The following EPHB1 variants were observed in gnomAD, a reference collection of about 807,000 sequenced individuals.
EPHB1 encodes ephrin type-B receptor 1.
In EPHB1, 30 loss-of-function variants were observed where a neutral mutation model predicts 94.4. The observed-to-expected ratio is 0.32, with a 90% CI of 0.24 to 0.43. The LOEUF (loss-of-function observed/expected upper bound fraction) is 0.43. Among genes scored for constraint, EPHB1 ranks in the 20% least tolerant of loss-of-function variants. The pLI is 1.00. For missense variants in EPHB1, 1,055 were observed against 1,308.3 expected (o/e 0.81, Z 2.99); for synonymous variants, 522 against 489.1 (o/e 1.07, Z -0.89).
intron 3 of EPHB1, among the ~76,000 whole-genome samples, chr3:135,044,228 G>T (rs141911587): frequency 6.6e-6 from 1 of 152,276 alleles, no homozygotes; most frequent in African/African-American, 2.4e-5. Context: ...TGGGGAGTCT[G>T]GTGGCTGCAT....
rs1375534575 is a variant in EPHB1 at position 135,147,231 on chromosome 3, T to C, written c.1298-6921T>C. Among the ~76,000 whole-genome samples the C allele has an allele frequency of 4.6e-5, 7 of 152,168 alleles. No homozygotes were observed. The East Asian group carries it at 1.3e-3, about 29-fold the overall frequency. The stretch of plus-strand genomic sequence containing the variant: ...CCGTTTTCTTCACAGCTATGGTCTG[T>C]GCTATAGATCACAGGTAGTTAGTCC... On this transcript the variant is annotated intron_variant, in intron 5 of 15. Transcript: ENST00000398015.
chr3:135,203,677 C>T (rs148135852), intron 12 of EPHB1, among the ~76,000 whole-genome samples: 42 of 152,300 alleles, frequency 2.8e-4, no homozygotes, highest in Admixed American at 8.5e-4. Flanking sequence ...CCTGCCCTGA[C>T]GCATTAATTT....
intron 12 of EPHB1, among the ~76,000 whole-genome samples, chr3:135,233,409 G>A (rs371511325): frequency 6.6e-6 from 1 of 152,192 alleles, no homozygotes; most frequent in Non-Finnish European, 1.5e-5. Context: ...TCACATCCAG[G>A]TCATGCTGAT....
intron 3 of EPHB1, among the ~76,000 whole-genome samples, chr3:135,082,105 G>T (rs979406732): frequency 9.2e-5 from 14 of 152,118 alleles, no homozygotes; most frequent in Non-Finnish European, 1.9e-4. Flanking sequence ...CTTGTCCCCA[G>T]AGGACCCTAA....
At position 134,812,424 on chromosome 3, in the gene EPHB1, T is replaced by C. The variant is rs146503736; in HGVS notation, c.58+16735T>C. On this transcript the variant is annotated intron_variant, in intron 1 of 15. Coordinates refer to ENST00000398015, the MANE Select transcript of EPHB1 (RefSeq NM_004441.5). Reference sequence around the variant, plus strand: ...ACTTAGCATGAGTATTTGAGATTCATCCATTTTGTGGCATGTGTTATACTT... The same window carrying C: ...ACTTAGCATGAGTATTTGAGATTCACCCATTTTGTGGCATGTGTTATACTT... Among the ~76,000 whole-genome samples, 481 of 152,350 alleles carry C rather than the reference T, an allele frequency of 3.2e-3. 3 individuals are homozygous for C. Among genetic ancestry groups the C allele is most frequent in the African/African-American group, 0.011 (458 of 41,582 alleles).
intron 3 of EPHB1, among the ~76,000 whole-genome samples, chr3:135,030,594 G>C (rs1936404701): frequency 6.6e-6 from 1 of 152,224 alleles, no homozygotes; most frequent in South Asian, 2.1e-4. Context: ...CAGATCTCCA[G>C]CTGCGTCCTG....
chr3:134,981,482 ACTCACTTTCCAGAG>A (rs1444395257), intron 3 of EPHB1, among the ~76,000 whole-genome samples: 1 of 152,158 alleles, frequency 6.6e-6, no homozygotes, highest in African/African-American at 2.4e-5. Context: ...TCTATTTACA[ACTCACTTTCCAGAG>A]CTAAAATTAT....
At chr3:134,928,410 A>G (rs1273795811) in intron 2 of EPHB1, among the ~76,000 whole-genome samples, 5 of 152,166 alleles carry the variant, frequency 3.3e-5, no homozygotes, top group Admixed American at 2.0e-4. Context: ...CCCTTCAGCC[A>G]TATTATAACC....
At chr3:134,983,347 C>T (rs989643176) in intron 3 of EPHB1, among the ~76,000 whole-genome samples, 3 of 152,226 alleles carry the variant, frequency 2.0e-5, no homozygotes, top group African/African-American at 7.2e-5. Flanking sequence ...AGCAATTAAC[C>T]ACTTGCAGGT....
intron 3 of EPHB1, among the ~76,000 whole-genome samples, chr3:135,078,249 G>A (rs1260659477): frequency 6.6e-6 from 1 of 152,152 alleles, no homozygotes; most frequent in African/African-American, 2.4e-5. Flanking sequence ...GTATGGAAAG[G>A]AGTAAGAGAA....
At position 135,166,640 on chromosome 3, in the gene EPHB1, T is replaced by G. The variant is rs369543640; in HGVS notation, c.1695-302T>G. Among the ~76,000 whole-genome samples the G allele has an allele frequency of 4.6e-5, 7 of 152,370 alleles. No individual in the cohort carries two copies. The East Asian group carries it at 9.6e-4, about 21-fold the overall frequency. ...AAGCAGTTCTGCAATGTAGCTTAAGTGCTGATGGACATCCTCTTCACCTCT... is the reference window on the plus strand; with the variant it reads ...AAGCAGTTCTGCAATGTAGCTTAAGGGCTGATGGACATCCTCTTCACCTCT... On this transcript the variant is annotated intron_variant, in intron 8 of 15. Coordinates refer to ENST00000398015, the MANE Select transcript of EPHB1 (RefSeq NM_004441.5).
intron 3 of EPHB1, among the ~76,000 whole-genome samples, chr3:134,984,350 G>T (rs1934518587): frequency 2.0e-5 from 3 of 152,196 alleles, no homozygotes; most frequent in Admixed American, 2.0e-4. Flanking sequence ...GACCCTGAGA[G>T]TAGCCATCTG....
Position 134,893,822 on chromosome 3 carries a change from C to G in EPHB1, c.59-31994C>G, listed in dbSNP as rs1188791844. ...CCTGTCTGTCCCTCCAGACCGTAAA[C>G]TGTGTGGGAGTTGGGGTCCTACCTA... On this transcript the variant is annotated intron_variant, in intron 1 of 15. Coordinates refer to ENST00000398015, the MANE Select transcript of EPHB1 (RefSeq NM_004441.5). Among the ~76,000 whole-genome samples the G allele has an allele frequency of 4.6e-5, 7 of 152,224 alleles. No individual in the cohort carries two copies. The South Asian group carries it at 1.0e-3, about 22-fold the overall frequency.
At chr3:134,967,452 T>G (rs1933802787) in intron 3 of EPHB1, among the ~76,000 whole-genome samples, 1 of 152,190 alleles carries the variant, frequency 6.6e-6, no homozygotes. Context: ...TCTGCACTCA[T>G]GAATGAATTA....
intron 4 of EPHB1, 127 bp downstream of exon 4, chr3:135,106,730 G>A: frequency 8.2e-7 from 1 of 1,224,586 alleles, no homozygotes; most frequent in Non-Finnish European, 1.1e-6. Context: ...GCTGGCCATG[G>A]TGCTGAAACA....
chr3:135,143,581 C>T (rs946207433), intron 5 of EPHB1, among the ~76,000 whole-genome samples: 3 of 152,202 alleles, frequency 2.0e-5, no homozygotes, highest in African/African-American at 7.2e-5. Flanking sequence ...GACTGCCGTT[C>T]ATGATCAATC....
At chr3:134,867,156 T>C (rs956190564) in intron 1 of EPHB1, among the ~76,000 whole-genome samples, 1 of 152,198 alleles carries the variant, frequency 6.6e-6, no homozygotes, top group African/African-American at 2.4e-5. Flanking sequence ...GGCCAATCCC[T>C]CTTGTGGGTC....
rs190995473 is a variant in EPHB1, at chr3:134,858,230, G to C, written c.58+62541G>C. ...ATCTCCAGAATGCTCCTGTAGGTTTGGGTGATATGCACTCCTTGCTTGTGG... is the reference window on the plus strand; with the variant it reads ...ATCTCCAGAATGCTCCTGTAGGTTTCGGTGATATGCACTCCTTGCTTGTGG... On this transcript the variant is annotated intron_variant, in intron 1 of 15. Coordinates refer to ENST00000398015, the MANE Select transcript of EPHB1 (RefSeq NM_004441.5). Among the ~76,000 whole-genome samples, 6 of 151,876 alleles carry C rather than the reference G, an allele frequency of 4.0e-5. No homozygotes were observed. The East Asian group carries it at 9.7e-4, about 25-fold the overall frequency.
chr3:135,214,337 G>A (rs1188964962), intron 12 of EPHB1, among the ~76,000 whole-genome samples: 2 of 152,152 alleles, frequency 1.3e-5, no homozygotes, highest in African/African-American at 2.4e-5. Context: ...TCCACTTGGG[G>A]ACAGCTCAGC....
Sources: allele counts gnomAD v4.1 joint callset (sites outside exome capture counted in the v4.1 genomes callset), GRCh38; gene constraint gnomAD v4.1.1; transcripts MANE v1.5; gene names NCBI Gene and HGNC (gene_info 2026-07-23, HGNC 2026-07-21).